The following ATXN8OS variants were observed in gnomAD, a reference collection of about 807,000 sequenced individuals.
ATXN8OS encodes the protein ATXN8 opposite strand lncRNA.
intron 2 of ATXN8OS, among the ~76,000 whole-genome samples, chr13:70,117,471 T>C (rs764099964): frequency 6.6e-6 from 1 of 152,138 alleles, no homozygotes; most frequent in Non-Finnish European, 1.5e-5. Flanking sequence ...CTATGGGCAG[T>C]GCAAGAAGTC....
At chr13:70,139,118 T>A (rs984008923) in intron 3 of ATXN8OS, 12 of 404,802 alleles carry the variant, frequency 3.0e-5, no homozygotes, top group Non-Finnish European at 4.4e-6. Context: ...TACCTTTAGG[T>A]TTTTCCTAGT....
At chr13:70,151,244 A>G (rs192492399) in intron 4 of ATXN8OS, among the ~76,000 whole-genome samples, 1 of 152,224 alleles carries the variant, frequency 6.6e-6, no homozygotes, top group Non-Finnish European at 1.5e-5. Flanking sequence ...AGATCTCCAG[A>G]AATTATTTAT....
intron 3 of ATXN8OS, among the ~76,000 whole-genome samples, chr13:70,138,514 A>T (rs961149930): frequency 6.6e-5 from 10 of 152,088 alleles, no homozygotes; most frequent in Non-Finnish European, 1.3e-4. Flanking sequence ...TTCATTCAGA[A>T]AATATTTATT....
intron 2 of ATXN8OS, among the ~76,000 whole-genome samples, chr13:70,118,531 A>G (rs1401369813): frequency 6.6e-6 from 1 of 152,126 alleles, no homozygotes; most frequent in Non-Finnish European, 1.5e-5. Context: ...TGCCATATAT[A>G]CATATATGCA....
chr13:70,111,280 A>C (rs1010289183), intron 1 of ATXN8OS, among the ~76,000 whole-genome samples: 1 of 152,220 alleles, frequency 6.6e-6, no homozygotes, highest in East Asian at 1.9e-4. Context: ...ATTATCTGTT[A>C]CTTGTAATAG....
At chr13:70,145,968 A>C (rs1298326367) in intron 3 of ATXN8OS, among the ~76,000 whole-genome samples, 17 of 146,662 alleles carry the variant, frequency 1.2e-4, no homozygotes, top group African/African-American at 4.3e-4. Context: ...CATCAGAGTG[A>C]ACAGGCAACC....
chr13:70,152,474 C>CAT (rs536295268), intron 4 of ATXN8OS, among the ~76,000 whole-genome samples: 26 of 151,570 alleles, frequency 1.7e-4, no homozygotes, highest in African/African-American at 6.3e-4. Flanking sequence ...CATGTATACA[C>CAT]ATATATATAC....
intron 4 of ATXN8OS, among the ~76,000 whole-genome samples, chr13:70,162,298 C>G (rs1009603422): frequency 6.6e-6 from 1 of 151,992 alleles, no homozygotes; most frequent in African/African-American, 2.4e-5. Flanking sequence ...AATTCAGCAC[C>G]TCAGGGCCAG....
rs1431829691 is a variant in ATXN8OS at position 70,159,194 on chromosome 13, TCTCTCA to T, written n.574-10556_574-10551del. On this transcript the variant is annotated intron_variant and non_coding_transcript_variant, in intron 4 of 4. Transcript: ENST00000678624. ...ACCACTTCCATTCTCTCTCTCTCTCTCTCTCACTTTTTATTACACATATAGAAGAAT... is the reference window on the plus strand; with the variant it reads ...ACCACTTCCATTCTCTCTCTCTCTCTCTTTTTATTACACATATAGAAGAAT... Among the ~76,000 whole-genome samples, 104 of 135,766 alleles carry T rather than the reference TCTCTCA, an allele frequency of 7.7e-4. No individual in the cohort carries two copies. In the East Asian group the frequency reaches 0.019, roughly 24 times the overall value. The allele number at this position is 135,766 out of a possible 152,430, so 89.1% of individuals were successfully genotyped here.
At chr13:70,167,750 GAGAC>G (rs1376122560) in intron 4 of ATXN8OS, among the ~76,000 whole-genome samples, 2 of 10,798 alleles carry the variant, frequency 1.9e-4, no homozygotes, top group Admixed American at 5.8e-4. Flanking sequence ...TTTTTTTTTT[GAGAC>G]AGACAGAGTC....
At chr13:70,133,321 G>T (rs1286560859) in intron 3 of ATXN8OS, among the ~76,000 whole-genome samples, 1 of 152,178 alleles carries the variant, frequency 6.6e-6, no homozygotes, top group Non-Finnish European at 1.5e-5. Flanking sequence ...TTGAGAAGCT[G>T]AAGTGGGAAG....
At chr13:70,165,657 G>T (rs747149663) in intron 4 of ATXN8OS, among the ~76,000 whole-genome samples, 1 of 151,860 alleles carries the variant, frequency 6.6e-6, no homozygotes, top group Non-Finnish European at 1.5e-5. Flanking sequence ...GAAATATCAG[G>T]CTAGATTAAG....
At chr13:70,112,009 T>G (rs1318201523) in intron 1 of ATXN8OS, among the ~76,000 whole-genome samples, 1 of 152,172 alleles carries the variant, frequency 6.6e-6, no homozygotes, top group Non-Finnish European at 1.5e-5. Flanking sequence ...CAGCTCACAG[T>G]TCTGCAGAGT....
chr13:70,135,712 C>G (rs9599556), intron 3 of ATXN8OS, among the ~76,000 whole-genome samples: 34,030 of 151,950 alleles, frequency 0.22, 4,344 homozygotes, highest in East Asian at 0.53. Flanking sequence ...AAATCCAAGG[C>G]AGAATTATCT....
chr13:70,162,379 G>A (rs1369215420), intron 4 of ATXN8OS, among the ~76,000 whole-genome samples: 6 of 152,140 alleles, frequency 3.9e-5, no homozygotes, highest in Non-Finnish European at 7.4e-5. Context: ...ACCCCCTAGA[G>A]GGATACAGGC....
chr13:70,125,796 T>C (rs1244950829), intron 2 of ATXN8OS, among the ~76,000 whole-genome samples: 2 of 152,164 alleles, frequency 1.3e-5, no homozygotes, highest in African/African-American at 4.8e-5. Flanking sequence ...CACAGTCAGC[T>C]GGTCTGTGCT....
At chr13:70,145,612 A>T (rs1411685534) in intron 3 of ATXN8OS, among the ~76,000 whole-genome samples, 2 of 152,118 alleles carry the variant, frequency 1.3e-5, no homozygotes, top group Non-Finnish European at 2.9e-5. Flanking sequence ...TCTTTGAAGC[A>T]ATTGTGAATG....
chr13:70,139,182 A>G (rs1369653134), intron 3 of ATXN8OS: 3 of 411,372 alleles, frequency 7.3e-6, no homozygotes, highest in Non-Finnish European at 8.6e-6. Context: ...TACTTCTGAG[A>G]CATTCTATAG....
chr13:70,134,466 C>T (rs1888580872), intron 3 of ATXN8OS, among the ~76,000 whole-genome samples: 1 of 152,110 alleles, frequency 6.6e-6, no homozygotes, highest in African/African-American at 2.4e-5. Context: ...CAGCAGCTTG[C>T]CTTCATAGAA....
Sources: gnomAD v4.1 joint callset for allele counts (sites outside exome capture counted in the v4.1 genomes callset) on GRCh38, gnomAD v4.1.1 for gene constraint, MANE v1.5 for transcripts, NCBI Gene and HGNC (gene_info 2026-07-23, HGNC 2026-07-21) for gene names.